Variants in FXR1 observed in about 807,000 individuals in gnomAD.
The protein encoded by FXR1 is FMR1 autosomal homolog 1.
A neutral mutation model predicts 84.0 loss-of-function variants in FXR1; 15 were observed. That is an observed-to-expected ratio of 0.18 (90% CI 0.12 to 0.27). FXR1 has a LOEUF of 0.27. Among genes scored for constraint, FXR1 ranks in the 10% least tolerant of loss-of-function variants. The probability of loss-of-function intolerance (pLI) is 1.00; values close to 1 mark genes in which losing one functional copy is unlikely to be tolerated. For synonymous variants in FXR1, 245 were observed against 250.7 expected (o/e 0.98, Z 0.21); for missense variants, 480 against 774.4 (o/e 0.62, Z 4.51).
chr3:180,980,890 T>C lies in FXR1; in HGVS notation c.*4598T>C, dbSNP rs1714578122. The C allele has an allele frequency of 6.6e-6, 1 of 152,010 alleles. No individual in the cohort carries two copies. Among genetic ancestry groups the C allele is most frequent in the African/African-American group, 2.4e-5 (1 of 41,412 alleles). The allele number at this position is 152,010 out of a possible 1,614,324, so 9.4% of individuals were successfully genotyped here. ...CAAGGTTACTCATTCCAGGATACTT[T>C]ACATAACCAAAAACCTAGGAGAGCA... On this transcript the variant is annotated 3_prime_UTR_variant, in exon 17 of 17. Transcript: ENST00000357559.
At chr3:180,932,385 C>G (rs1720040620) in intron 1 of FXR1, among the ~76,000 whole-genome samples, 1 of 152,130 alleles carries the variant, frequency 6.6e-6, no homozygotes, top group South Asian at 2.1e-4. Context: ...ATTTGCAGTT[C>G]TGATTCATAG....
chr3:180,920,843 T>A (rs531857381), intron 1 of FXR1, among the ~76,000 whole-genome samples: 1 of 152,272 alleles, frequency 6.6e-6, no homozygotes, highest in South Asian at 2.1e-4. Flanking sequence ...TTGGAACTGT[T>A]AACTTATTCC....
At chr3:180,961,577 AT>A in intron 11 of FXR1, 23 bp downstream of exon 11, 2 of 1,046,410 alleles carry the variant, frequency 1.9e-6, no homozygotes, top group Non-Finnish European at 1.5e-6. Flanking sequence ...TTCATACTAT[AT>A]TCTGATATTG....
At chr3:180,926,506 A>ATATATATATTTTTTTTTTTTTTTT (rs72192827) in intron 1 of FXR1, among the ~76,000 whole-genome samples, 1 of 124,386 alleles carries the variant, frequency 8.0e-6, no homozygotes, top group African/African-American at 2.9e-5. Context: ...ATATATATAT[A>ATATATATATTTTTTTTTTTTTTTT]TTTTTTTTTC....
At position 180,951,286 on chromosome 3, in the gene FXR1, C is replaced by T; in HGVS notation, c.631-12C>T. The T allele has an allele frequency of 6.5e-7, 1 of 1,542,440 alleles. No individual in the cohort carries two copies. The highest frequency in any genetic ancestry group is 8.9e-7 in the Non-Finnish European group (1 of 1,127,114). ...TTGATCTTTTATATTACTAATTTTC[C>T]TTTTTTATTAGTGCACAAAACAACT... On this transcript the variant is annotated splice_polypyrimidine_tract_variant and intron_variant, in intron 7 of 16. Transcript: ENST00000357559.
intron 1 of FXR1, among the ~76,000 whole-genome samples, chr3:180,913,370 C>T (rs1285075209): frequency 1.3e-5 from 2 of 152,042 alleles, no homozygotes; most frequent in Non-Finnish European, 2.9e-5. Context: ...GGAAATTGGG[C>T]GGCGCCTTAG....
intron 2 of FXR1, among the ~76,000 whole-genome samples, chr3:180,934,598 CTT>C (rs1473484529): frequency 6.6e-6 from 1 of 152,052 alleles, no homozygotes; most frequent in Non-Finnish European, 1.5e-5. Flanking sequence ...AAAATGAAAT[CTT>C]TTGTAATTCA....
chr3:180,954,872 A>AT (rs11328945), intron 9 of FXR1, among the ~76,000 whole-genome samples: 20,899 of 114,474 alleles, frequency 0.18, 1,962 homozygotes, highest in South Asian at 0.22. Context: ...TTCTAAAAAG[A>AT]TTTTTTTTTT....
intron 3 of FXR1, among the ~76,000 whole-genome samples, chr3:180,942,822 C>T (rs771420368): frequency 6.6e-6 from 1 of 152,088 alleles, no homozygotes; most frequent in Admixed American, 6.6e-5. Context: ...ATTCGTAAAT[C>T]AATTCAGTAA....
chr3:180,953,128 C>T (rs1387609172), intron 8 of FXR1, among the ~76,000 whole-genome samples: 2 of 152,118 alleles, frequency 1.3e-5, no homozygotes, highest in Non-Finnish European at 2.9e-5. Flanking sequence ...CAGGCGTGAG[C>T]CCACTGCATC....
intron 2 of FXR1, among the ~76,000 whole-genome samples, chr3:180,934,673 T>C (rs1295478486): frequency 6.6e-6 from 1 of 152,232 alleles, no homozygotes; most frequent in Non-Finnish European, 1.5e-5. Flanking sequence ...TAAAAAGAAT[T>C]ACACAGTTTA....
intron 8 of FXR1, among the ~76,000 whole-genome samples, chr3:180,952,719 C>T (rs1722351766): frequency 6.6e-6 from 1 of 151,006 alleles, no homozygotes; most frequent in African/African-American, 2.4e-5. Context: ...TAATACAGTT[C>T]TTAAGGATTA....
intron 1 of FXR1, among the ~76,000 whole-genome samples, chr3:180,925,987 C>T (rs1253328567): frequency 6.6e-6 from 1 of 152,142 alleles, no homozygotes; most frequent in Non-Finnish European, 1.5e-5. Flanking sequence ...ATCTAACAAA[C>T]AGCCCAGTGT....
intron 8 of FXR1, among the ~76,000 whole-genome samples, 181 bp downstream of exon 8, chr3:180,951,649 G>A (rs1487820550): frequency 8.5e-5 from 13 of 152,146 alleles, no homozygotes; most frequent in Admixed American, 7.2e-4. Flanking sequence ...TGTATTGAGG[G>A]GAGTGAAAGA....
At chr3:180,966,196 AT>A (rs1457284220) in intron 13 of FXR1, among the ~76,000 whole-genome samples, 1 of 152,152 alleles carries the variant, frequency 6.6e-6, no homozygotes, top group African/African-American at 2.4e-5. Context: ...GTTAGGGGAA[AT>A]TAATTCCCTT....
chr3:180,923,731 T>G (rs945997630), intron 1 of FXR1, among the ~76,000 whole-genome samples: 4 of 152,126 alleles, frequency 2.6e-5, no homozygotes, highest in Non-Finnish European at 5.9e-5. Flanking sequence ...ACCTCCTTTA[T>G]TTTGCAAATA....
At chr3:180,965,922 C>T (rs942148801) in intron 13 of FXR1, among the ~76,000 whole-genome samples, 2 of 152,056 alleles carry the variant, frequency 1.3e-5, no homozygotes, top group Non-Finnish European at 2.9e-5. Context: ...TGCTGTGACA[C>T]GGGGTTAGAT....
chr3:180,944,055 T>C (rs1217631280), intron 3 of FXR1, among the ~76,000 whole-genome samples: 1 of 152,044 alleles, frequency 6.6e-6, no homozygotes, highest in African/African-American at 2.4e-5. Context: ...TAGCTGGGAT[T>C]ACAGGCATGC....
chr3:180,918,254 T>A (rs1718141752), intron 1 of FXR1, among the ~76,000 whole-genome samples: 2 of 152,184 alleles, frequency 1.3e-5, no homozygotes, highest in Non-Finnish European at 2.9e-5. Context: ...CTATATGTAT[T>A]TCCTGATTTT....
Sources: gnomAD v4.1 joint callset for allele counts (sites outside exome capture counted in the v4.1 genomes callset) on GRCh38, gnomAD v4.1.1 for gene constraint, MANE v1.5 for transcripts, NCBI Gene and HGNC (gene_info 2026-07-23, HGNC 2026-07-21) for gene names.